The following MYOM3 variants were observed in gnomAD, a reference collection of about 807,000 sequenced individuals.
MYOM3 encodes myomesin 3.
A neutral mutation model predicts 191.7 loss-of-function variants in MYOM3; 155 were observed. The observed-to-expected ratio is 0.81, with a 90% confidence interval of 0.71 to 0.92. The LOEUF is 0.92. MYOM3 is among the 40% of genes least tolerant of loss of function. MYOM3 has a pLI of 0.00. For synonymous variants in MYOM3, 757 were observed against 762.9 expected (o/e 0.99, Z 0.13); for missense variants, 1,889 against 1,890.6 (o/e 1.00, Z 0.02).
chr1:24,091,532 G>A (rs1200881636), intron 11 of MYOM3, among the ~76,000 whole-genome samples: 1 of 152,142 alleles, frequency 6.6e-6, no homozygotes, highest in African/African-American at 2.4e-5. Context: ...CGTCACATGT[G>A]GGTCCAAGTC....
chr1:24,089,689 C>G lies in MYOM3; in HGVS notation c.1487-24G>C, dbSNP rs147986709. On this transcript the variant is annotated intron_variant, in intron 13 of 36. Coordinates refer to ENST00000374434, the MANE Select transcript of MYOM3 (RefSeq NM_152372.4). ...ATCTGAAATCAGAGTCACCCGGGAC[C>G]GAGATGGTTGGACCCTCAGAGACCC... 5.8e-6 allele frequency: 9 copies of G among 1,556,640 alleles called. No individual in the cohort carries two copies. In the South Asian group the frequency reaches 1.1e-4, roughly 19 times the overall value.
intron 25 of MYOM3, among the ~76,000 whole-genome samples, chr1:24,070,734 G>T (rs183173796): frequency 6.6e-6 from 1 of 152,240 alleles, no homozygotes; most frequent in East Asian, 1.9e-4. Context: ...GAAAAAAATT[G>T]TACAAAAATA....
At position 24,093,094 on chromosome 1, in the gene MYOM3, A is replaced by T; in HGVS notation, c.943T>A (p.Ser315Thr). ...QWFRDGSLLR[S>T]SRRRKILYTD... Reference sequence around the variant, plus strand: ...TAGAGGATCTTCCGACGTCTCGAGGACCTCAGTAGGCTCCCTGTGGAGGGG... The same window carrying T: ...TAGAGGATCTTCCGACGTCTCGAGGTCCTCAGTAGGCTCCCTGTGGAGGGG... The change falls in exon 10 of 37, where the codon TCC becomes ACC. Residue 315 changes from serine to threonine, a missense_variant. Transcript: ENST00000374434. 1 of 1,608,522 alleles carries T rather than the reference A, an allele frequency of 6.2e-7. No individual in the cohort carries two copies. The highest frequency in any genetic ancestry group is 8.5e-7 in the Non-Finnish European group (1 of 1,179,354).
rs1643400077 is a variant in MYOM3, at chr1:24,063,667, C to T, written c.3623-137G>A. The T allele has an allele frequency of 2.0e-6, 2 of 978,272 alleles. No homozygotes were observed. Among genetic ancestry groups the T allele is most frequent in the Non-Finnish European group, 3.2e-6 (2 of 631,252 alleles). 60.6% of individuals were successfully genotyped at this position (978,272 alleles called of 1,614,324 possible). A position where few individuals can be genotyped will look rare whatever the true frequency, so the allele number is the denominator to read the frequency against. ...GGACAGGCAACTCTGTAGGATGACTCTCATAGCTTGGGGATAGGAGGGGGT... is the reference window on the plus strand; with the variant it reads ...GGACAGGCAACTCTGTAGGATGACTTTCATAGCTTGGGGATAGGAGGGGGT... On this transcript the variant is annotated intron_variant, in intron 30 of 36. Transcript: ENST00000374434. This position sits in a 1 kb window ranked among gnomAD's most constrained non-coding sequence, Gnocchi z 4.5.
chr1:24,090,206 C>G (rs1462182261), intron 12 of MYOM3, 88 bp from the exon 13 acceptor site: 41 of 1,093,460 alleles, frequency 3.7e-5, no homozygotes, highest in Non-Finnish European at 5.6e-5. Context: ...CTGCGTCCTG[C>G]CCCGTCCCAG....
intron 5 of MYOM3, among the ~76,000 whole-genome samples, chr1:24,105,630 G>C (rs996028339): frequency 2.6e-5 from 4 of 152,256 alleles, no homozygotes; most frequent in Non-Finnish European, 4.4e-5. Context: ...GTGGTGGCTT[G>C]TGCCTGTGGT....
chr1:24,075,966 T>C (rs1232749514), intron 21 of MYOM3, among the ~76,000 whole-genome samples, 193 bp downstream of exon 21: 1 of 152,246 alleles, frequency 6.6e-6, no homozygotes, highest in African/African-American at 2.4e-5. Context: ...TGTGACCTGG[T>C]TGATCTTCTT....
rs577556084 is a variant in MYOM3 at position 24,109,378 on chromosome 1, G to A, written c.-18-724C>T. Among the ~76,000 whole-genome samples the A allele has an allele frequency of 2.2e-5, 3 of 138,818 alleles. No homozygotes were observed. The South Asian group carries it at 8.5e-4, about 39-fold the overall frequency. 91.1% of individuals were successfully genotyped at this position (138,818 alleles called of 152,430 possible). A position where few individuals can be genotyped will look rare whatever the true frequency, so the allele number is the denominator to read the frequency against. On this transcript the variant is annotated intron_variant, in intron 1 of 36. Coordinates refer to ENST00000374434, the MANE Select transcript of MYOM3 (RefSeq NM_152372.4). ...AGTTGTGAAGGTTAGATGAGTGCTTGGGGCTTAGTAAGTACAACATAAGTA... is the reference window on the plus strand; with the variant it reads ...AGTTGTGAAGGTTAGATGAGTGCTTAGGGCTTAGTAAGTACAACATAAGTA...
intron 36 of MYOM3, 31 bp from the exon 37 acceptor site, chr1:24,057,658 C>A (rs1643319763): frequency 6.2e-7 from 1 of 1,603,072 alleles, no homozygotes; most frequent in South Asian, 1.1e-5. Context: ...GGAACAGTCT[C>A]ACCTCCTTGT....
intron 15 of MYOM3, among the ~76,000 whole-genome samples, chr1:24,085,230 A>G (rs1172299563): frequency 6.6e-6 from 1 of 151,742 alleles, no homozygotes; most frequent in Non-Finnish European, 1.5e-5. Flanking sequence ...GGATGGATGG[A>G]TGGACAGGTG....
chr1:24,111,841 C>G lies in MYOM3; in HGVS notation c.-19+190G>C, dbSNP rs757567416. Among the ~76,000 whole-genome samples, 3 of 151,940 alleles carry G rather than the reference C, an allele frequency of 2.0e-5. No homozygotes were observed. The highest frequency in any genetic ancestry group is 7.3e-5 in the African/African-American group (3 of 41,342). On this transcript the variant is annotated intron_variant, in intron 1 of 36. Transcript: ENST00000374434. This position sits in a 1 kb window ranked among gnomAD's most constrained non-coding sequence, Gnocchi z 4.7. Reference sequence around the variant, plus strand: ...GGGATGGGGCAGGGGTTTCTGGAATCCCCTCCCATTTTCACTTGGGTGCTG... The same window carrying G: ...GGGATGGGGCAGGGGTTTCTGGAATGCCCTCCCATTTTCACTTGGGTGCTG...
Position 24,111,474 on chromosome 1 carries a change from C to T in MYOM3, c.-19+557G>A, listed in dbSNP as rs1009002222. Reference sequence around the variant, plus strand: ...TAGCCAGTGGCTCCACCAGCTTCCGCGAGGCCGAATCCTGCCCTTGCCAGT... The same window carrying T: ...TAGCCAGTGGCTCCACCAGCTTCCGTGAGGCCGAATCCTGCCCTTGCCAGT... On this transcript the variant is annotated intron_variant, in intron 1 of 36. Coordinates refer to ENST00000374434, the MANE Select transcript of MYOM3 (RefSeq NM_152372.4). This position sits in a 1 kb window ranked among gnomAD's most constrained non-coding sequence, Gnocchi z 4.7. 2.6e-5 allele frequency among the ~76,000 whole-genome samples: 4 copies of T among 152,212 alleles called. No individual in the cohort carries two copies. Among genetic ancestry groups the T allele is most frequent in the East Asian group, 1.9e-4 (1 of 5,192 alleles).
chr1:24,108,277 C>T (rs1291577902), intron 2 of MYOM3, 199 bp downstream of exon 2: 1 of 738,650 alleles, frequency 1.4e-6, no homozygotes, highest in Non-Finnish European at 2.2e-6. Context: ...TTCCAGAGGA[C>T]AGGGCTGTGC....
chr1:24,072,215 G>A (rs1216137286), intron 23 of MYOM3, among the ~76,000 whole-genome samples: 1 of 152,148 alleles, frequency 6.6e-6, no homozygotes, highest in Non-Finnish European at 1.5e-5. Context: ...GGGTGATGCC[G>A]GGGCTGCTGC....
In MYOM3 at chr1:24,070,987, C is replaced by A. The variant is rs989555490; in HGVS notation, c.3150+130G>T. The A allele has an allele frequency of 1.0e-5, 12 of 1,196,338 alleles. No homozygotes were observed. The Admixed American group carries it at 1.0e-4, about 10-fold the overall frequency. 74.1% of individuals were successfully genotyped at this position (1,196,338 alleles called of 1,614,324 possible). A position where few individuals can be genotyped will look rare whatever the true frequency, so the allele number is the denominator to read the frequency against. On this transcript the variant is annotated intron_variant, in intron 25 of 36. Coordinates refer to ENST00000374434, the MANE Select transcript of MYOM3 (RefSeq NM_152372.4). ...TCCCATCCCGTCCTCATCACTGCAA[C>A]AGCAAAAGCACACCGTCATTTCTGA...
At chr1:24,078,386 G>A (rs1427128150) in intron 20 of MYOM3, among the ~76,000 whole-genome samples, 1 of 152,104 alleles carries the variant, frequency 6.6e-6, no homozygotes, top group African/African-American at 2.4e-5. Flanking sequence ...TAGAGTGCTG[G>A]GATTACAGGC....
At chr1:24,068,639 T>A (rs1643485142) in intron 25 of MYOM3, among the ~76,000 whole-genome samples, 1 of 152,148 alleles carries the variant, frequency 6.6e-6, no homozygotes, top group Non-Finnish European at 1.5e-5. Flanking sequence ...TACAATTTAA[T>A]AATAAGTCCC....
In MYOM3 at chr1:24,068,246, A is replaced by G; in HGVS notation, c.3272T>C (p.Ile1091Thr). ...QLQDGKAKNQ[I>T]TLTLVDDDFD... The stretch of plus-strand genomic sequence containing the variant: ...ACCGTCATCCACCAGTGTCAAGGTA[A>G]TCTGGTTTTTGGCTTTTCCATCTTG... Residue 1091 changes from isoleucine (I) to threonine (T), a missense_variant, in exon 26 of 37, where the codon ATT (isoleucine) becomes ACT (threonine). By Grantham distance (89) the Ile-to-Thr change is moderately conservative. Coordinates refer to ENST00000374434, the MANE Select transcript of MYOM3 (RefSeq NM_152372.4). 3 of 1,614,096 alleles carry G rather than the reference A, an allele frequency of 1.9e-6. No homozygotes were observed. Among genetic ancestry groups the G allele is most frequent in the Non-Finnish European group, 2.5e-6 (3 of 1,179,992 alleles).
At chr1:24,092,887 AG>A in intron 10 of MYOM3, 59 bp downstream of exon 10, 1 of 1,409,458 alleles carries the variant, frequency 7.1e-7, no homozygotes. Flanking sequence ...ACAGCAAACA[AG>A]GGGCAGAGCC....
Sources: gnomAD v4.1 joint callset for allele counts (sites outside exome capture counted in the v4.1 genomes callset) on GRCh38, gnomAD v4.1.1 for gene constraint, Gnocchi (gnomAD v3.1) non-coding constraint, MANE v1.5 for transcripts, NCBI Gene and HGNC (gene_info 2026-07-23, HGNC 2026-07-21) for gene names.